Variants in RYR2 observed in about 807,000 individuals in gnomAD.
The protein encoded by RYR2 is cardiac muscle ryanodine receptor-calcium release channel.
A neutral mutation model predicts 601.1 loss-of-function variants in RYR2; 227 were observed. The observed-to-expected ratio is 0.38, with a 90% CI of 0.34 to 0.42. The LOEUF is 0.42. Among genes scored for constraint, RYR2 ranks in the 10% least tolerant of loss-of-function variants. The pLI, the probability that RYR2 is intolerant of heterozygous loss-of-function variation, is 1.00. For synonymous variants in RYR2, 2,223 were observed against 2,175.1 expected (o/e 1.02, Z -0.61); for missense variants, 4,646 against 6,156.5 (o/e 0.75, Z 8.21).
At chr1:237,456,558 T>C (rs770038232) in intron 15 of RYR2, 42 bp from the exon 16 acceptor site, 49 of 1,453,590 alleles carry the variant, frequency 3.4e-5, no homozygotes, top group Non-Finnish European at 4.5e-5. Context: ...AATGACAGTT[T>C]TGGATGTCTG....
At chr1:237,069,846 G>A (rs577258074) in intron 1 of RYR2, among the ~76,000 whole-genome samples, 101 of 152,142 alleles carry the variant, frequency 6.6e-4, no homozygotes, top group African/African-American at 2.3e-3. Flanking sequence ...CCTAACAATT[G>A]CATTTTATTA....
At chr1:237,118,210 A>AT (rs200955695) in intron 1 of RYR2, among the ~76,000 whole-genome samples, 200 of 151,830 alleles carry the variant, frequency 1.3e-3, no homozygotes, top group Non-Finnish European at 2.1e-3. Context: ...GTCTTTGAGA[A>AT]TTTTTTTTTG....
chr1:237,573,544 G>T (rs919078469), intron 29 of RYR2, among the ~76,000 whole-genome samples: 2 of 148,808 alleles, frequency 1.3e-5, no homozygotes, highest in Non-Finnish European at 3.0e-5. Context: ...GTTCTATAAA[G>T]GTACTGCTAG....
At position 237,606,802 on chromosome 1, in the gene RYR2, T is replaced by C. The variant is rs191820462; in HGVS notation, c.4684-3960T>C. Among the ~76,000 whole-genome samples, 19 of 152,322 alleles carry C rather than the reference T, an allele frequency of 1.2e-4. No homozygotes were observed. The East Asian group carries it at 3.5e-3, about 28-fold the overall frequency. On this transcript the variant is annotated intron_variant, in intron 35 of 104. Coordinates refer to ENST00000366574, the MANE Select transcript of RYR2 (RefSeq NM_001035.3). ...GACACTTCTCAAAAGAAGTCATTTATGCAGCCAACAGACACGAAAAAATGC... is the reference window on the plus strand; with the variant it reads ...GACACTTCTCAAAAGAAGTCATTTACGCAGCCAACAGACACGAAAAAATGC...
intron 79 of RYR2, among the ~76,000 whole-genome samples, chr1:237,739,396 T>C (rs1691419827): frequency 6.6e-6 from 1 of 152,158 alleles, no homozygotes; most frequent in Admixed American, 6.5e-5. Context: ...AGAATGTCTC[T>C]TTACCAGCTG....
chr1:237,240,063 C>G (rs892603050), intron 1 of RYR2, among the ~76,000 whole-genome samples: 1 of 152,174 alleles, frequency 6.6e-6, no homozygotes, highest in African/African-American at 2.4e-5. Flanking sequence ...GAGACACATT[C>G]GTTTACCATA....
At chr1:237,455,044 C>G (rs1430705019) in intron 15 of RYR2, among the ~76,000 whole-genome samples, 1 of 152,056 alleles carries the variant, frequency 6.6e-6, no homozygotes, top group Admixed American at 6.6e-5. Context: ...AGGCTGAGCT[C>G]CAGGAACCCT....
intron 3 of RYR2, among the ~76,000 whole-genome samples, chr1:237,348,236 A>G (rs1698468831): frequency 6.6e-6 from 1 of 152,196 alleles, no homozygotes; most frequent in Non-Finnish European, 1.5e-5. Context: ...TCCTCTCTCA[A>G]GTAGCTTGGA....
At position 237,462,487 on chromosome 1, in the gene RYR2, A is replaced by C. The variant is rs372062126; in HGVS notation, c.1612+5752A>C. 5.9e-5 allele frequency among the ~76,000 whole-genome samples: 9 copies of C among 152,296 alleles called. 1 individual carries two copies. The East Asian group carries it at 1.5e-3, about 26-fold the overall frequency. On this transcript the variant is annotated intron_variant, in intron 16 of 104. Transcript: ENST00000366574. ...CATCTTTTCTGACATCCACACGATT[A>C]ATCTGTGGGATGCTTACAAGACAGA...
intron 63 of RYR2, among the ~76,000 whole-genome samples, chr1:237,688,866 A>G (rs540767245): frequency 5.1e-4 from 78 of 152,254 alleles, no homozygotes; most frequent in African/African-American, 1.8e-3. Context: ...CTATGGTGCT[A>G]TTTCTAACTT....
At chr1:237,395,663 C>T (rs1702782143) in intron 10 of RYR2, among the ~76,000 whole-genome samples, 1 of 150,582 alleles carries the variant, frequency 6.6e-6, no homozygotes, top group Non-Finnish European at 1.5e-5. Flanking sequence ...TCTCCTGCCT[C>T]ATCCTCCCAA....
intron 1 of RYR2, among the ~76,000 whole-genome samples, chr1:237,206,734 C>T (rs1308256725): frequency 6.6e-6 from 1 of 152,172 alleles, no homozygotes; most frequent in African/African-American, 2.4e-5. Context: ...CTATTGAATA[C>T]TGCAAATTAG....
chr1:237,255,270 A>G (rs1451822756), intron 1 of RYR2, among the ~76,000 whole-genome samples: 1 of 152,188 alleles, frequency 6.6e-6, no homozygotes. Flanking sequence ...CAGACACTGA[A>G]TTTGAATGTC....
intron 1 of RYR2, among the ~76,000 whole-genome samples, chr1:237,218,979 G>A (rs74897838): frequency 0.12 from 17,666 of 150,484 alleles, 1,308 homozygotes; most frequent in Middle Eastern, 0.18. Flanking sequence ...GCTGACCCAC[G>A]TGATCCATCT....
chr1:237,321,786 A>G (rs1695648119), intron 2 of RYR2, among the ~76,000 whole-genome samples: 2 of 152,164 alleles, frequency 1.3e-5, no homozygotes, highest in East Asian at 1.9e-4. Context: ...TAAGTTCTTT[A>G]GAGGGGATCT....
At chr1:237,302,941 G>T (rs1199822876) in intron 2 of RYR2, among the ~76,000 whole-genome samples, 2 of 152,144 alleles carry the variant, frequency 1.3e-5, no homozygotes, top group Non-Finnish European at 2.9e-5. Context: ...AATCTTCTGA[G>T]CTGTGTTTCT....
chr1:237,809,615 G>T (rs1359369287), intron 100 of RYR2, among the ~76,000 whole-genome samples: 1 of 152,066 alleles, frequency 6.6e-6, no homozygotes, highest in Non-Finnish European at 1.5e-5. Flanking sequence ...ATCAGGAAGG[G>T]GAACATGAGA....
chr1:237,119,433 C>CGTGT (rs1473829346), intron 1 of RYR2, among the ~76,000 whole-genome samples: 7 of 152,122 alleles, frequency 4.6e-5, no homozygotes, highest in African/African-American at 1.7e-4. Context: ...CATGTGTGTG[C>CGTGT]GTGTGTGTGC....
intron 29 of RYR2, among the ~76,000 whole-genome samples, chr1:237,582,462 C>G (rs1309998320): frequency 6.6e-6 from 1 of 151,644 alleles, no homozygotes; most frequent in African/African-American, 2.4e-5. Context: ...GATTCAGAAG[C>G]TATATGTTCA....
Sources: gnomAD v4.1 joint callset for allele counts (sites outside exome capture counted in the v4.1 genomes callset) on GRCh38, gnomAD v4.1.1 for gene constraint, MANE v1.5 for transcripts, NCBI Gene and HGNC (gene_info 2026-07-23, HGNC 2026-07-21) for gene names.